PCSK2: variants seen among roughly 807,000 people sequenced by gnomAD.
The protein encoded by PCSK2 is neuroendocrine convertase 2.
In PCSK2, 14 loss-of-function variants were observed where a neutral mutation model predicts 69.7. That is an observed-to-expected ratio of 0.20 (90% CI 0.13 to 0.31). The LOEUF is 0.31. Ranked by LOEUF, PCSK2 falls within the 10% of genes least tolerant of loss-of-function variation. PCSK2 has a pLI of 1.00. For synonymous variants in PCSK2, 307 were observed against 320.7 expected (o/e 0.96, Z 0.46); for missense variants, 544 against 842.5 (o/e 0.65, Z 4.39).
At chr20:17,349,148 C>A (rs942881241) in intron 2 of PCSK2, among the ~76,000 whole-genome samples, 22 of 152,294 alleles carry the variant, frequency 1.4e-4, no homozygotes, top group African/African-American at 5.3e-4. Context: ...GGTGAGCAAA[C>A]TGAGTCTTAA....
intron 5 of PCSK2, among the ~76,000 whole-genome samples, chr20:17,381,509 T>A (rs192897872): frequency 2.6e-5 from 4 of 151,994 alleles, no homozygotes; most frequent in Admixed American, 2.6e-4. Context: ...GTTCACAGAC[T>A]CCCATTGAGG....
intron 2 of PCSK2, among the ~76,000 whole-genome samples, chr20:17,315,562 C>G (rs1195838612): frequency 6.6e-6 from 1 of 152,192 alleles, no homozygotes; most frequent in Non-Finnish European, 1.5e-5. Flanking sequence ...CTGGTGCCCT[C>G]CACGCCCTCC....
chr20:17,373,746 A>T (rs1487902021), intron 5 of PCSK2, among the ~76,000 whole-genome samples: 1 of 152,254 alleles, frequency 6.6e-6, no homozygotes, highest in Non-Finnish European at 1.5e-5. Context: ...AGGAAACAGC[A>T]TATGCTGGTA....
At chr20:17,458,069 A>G (rs1157110772) in intron 10 of PCSK2, among the ~76,000 whole-genome samples, 1 of 152,210 alleles carries the variant, frequency 6.6e-6, no homozygotes. Flanking sequence ...CCATTCAGGC[A>G]TGCTTTGTTT....
At chr20:17,266,702 C>T (rs1483327720) in intron 2 of PCSK2, among the ~76,000 whole-genome samples, 1 of 152,138 alleles carries the variant, frequency 6.6e-6, no homozygotes, top group Non-Finnish European at 1.5e-5. Flanking sequence ...GGGCTTTCAA[C>T]AGGGGCCTCA....
At chr20:17,276,352 A>T (rs191519860) in intron 2 of PCSK2, among the ~76,000 whole-genome samples, 34 of 152,030 alleles carry the variant, frequency 2.2e-4, no homozygotes, top group African/African-American at 7.5e-4. Context: ...ATTTTAAAAT[A>T]ATATGTGTAT....
chr20:17,451,402 G>A (rs556115272), intron 8 of PCSK2, among the ~76,000 whole-genome samples: 2 of 152,172 alleles, frequency 1.3e-5, no homozygotes, highest in Non-Finnish European at 2.9e-5. Context: ...AGAGACTGAC[G>A]GATCGAGGAT....
In PCSK2 at chr20:17,456,443, G is replaced by A; in HGVS notation, c.1197G>A (p.Glu399=). 1 of 1,575,246 alleles carries A rather than the reference G, an allele frequency of 6.3e-7. No homozygotes were observed. The highest frequency in any genetic ancestry group is 1.1e-5 in the South Asian group (1 of 90,262). ...CTGGTGTGTTTGCACTGGCTCTGGA[G>A]GCTAAGTATGTTCATAGCTCTGGGT... ...EAAGVFALAL[E]ANLGLTWRDM... is the part of the protein sequence containing the mutation. The change falls in exon 10 of 12, where the codon GAG becomes GAA. Residue 399 remains glutamate, a synonymous_variant. Transcript: ENST00000262545.
intron 5 of PCSK2, among the ~76,000 whole-genome samples, chr20:17,393,868 A>G (rs11698919): frequency 0.038 from 5,746 of 152,338 alleles, 130 homozygotes; most frequent in Middle Eastern, 0.095. Flanking sequence ...TTAAAAAAGG[A>G]GGCTTGAAAT....
At chr20:17,296,881 G>A (rs887438829) in intron 2 of PCSK2, among the ~76,000 whole-genome samples, 1 of 152,074 alleles carries the variant, frequency 6.6e-6, no homozygotes, top group African/African-American at 2.4e-5. Context: ...TCCTCCATTC[G>A]TTGGACTCAA....
chr20:17,463,331 T>G (rs897152815), intron 10 of PCSK2: 4 of 152,162 alleles, frequency 2.6e-5, no homozygotes, highest in Non-Finnish European at 4.4e-5. Flanking sequence ...CAGAATCCCC[T>G]TCCAGCAAAA....
At chr20:17,287,043 T>C (rs914716271) in intron 2 of PCSK2, among the ~76,000 whole-genome samples, 3 of 152,212 alleles carry the variant, frequency 2.0e-5, no homozygotes, top group African/African-American at 7.2e-5. Flanking sequence ...GAATTCCCTC[T>C]TCCTTAAGCG....
intron 2 of PCSK2, among the ~76,000 whole-genome samples, chr20:17,348,556 C>T (rs990044218): frequency 8.5e-5 from 13 of 152,248 alleles, no homozygotes; most frequent in East Asian, 3.9e-4. Flanking sequence ...GCTGGAGTGT[C>T]GTGTCAGTTT....
chr20:17,275,882 C>G (rs1988052647), intron 2 of PCSK2, among the ~76,000 whole-genome samples: 1 of 152,112 alleles, frequency 6.6e-6, no homozygotes, highest in South Asian at 2.1e-4. Context: ...CTCAGGTCCA[C>G]CACTCACTCA....
chr20:17,316,459 C>T (rs1989693052), intron 2 of PCSK2, among the ~76,000 whole-genome samples: 1 of 152,202 alleles, frequency 6.6e-6, no homozygotes. Flanking sequence ...CTTGAAAACA[C>T]AGCCTCTACT....
intron 2 of PCSK2, among the ~76,000 whole-genome samples, chr20:17,328,344 A>T (rs1990120257): frequency 6.7e-6 from 1 of 149,696 alleles, no homozygotes. Flanking sequence ...TATGTTACAC[A>T]TACCATATGC....
At chr20:17,343,972 G>A (rs1282394252) in intron 2 of PCSK2, among the ~76,000 whole-genome samples, 6 of 152,162 alleles carry the variant, frequency 3.9e-5, no homozygotes, top group Non-Finnish European at 8.8e-5. Flanking sequence ...CCACTAAGTC[G>A]GTGGCCATCT....
At chr20:17,263,410 A>T (rs894284240) in intron 2 of PCSK2, among the ~76,000 whole-genome samples, 1 of 152,258 alleles carries the variant, frequency 6.6e-6, no homozygotes, top group African/African-American at 2.4e-5. Context: ...GCTGACTGCC[A>T]AGTATCATCA....
chr20:17,403,830 T>C (rs1444594859), intron 5 of PCSK2, among the ~76,000 whole-genome samples: 2 of 152,238 alleles, frequency 1.3e-5, no homozygotes, highest in Non-Finnish European at 2.9e-5. Flanking sequence ...CATCTTGTCT[T>C]CTGTGGCACA....
Sources: gnomAD v4.1 joint callset for allele counts (sites outside exome capture counted in the v4.1 genomes callset) on GRCh38, gnomAD v4.1.1 for gene constraint, MANE v1.5 for transcripts, NCBI Gene and HGNC (gene_info 2026-07-23, HGNC 2026-07-21) for gene names.